Variants in CDK8 observed in about 807,000 individuals in gnomAD.
CDK8 encodes cyclin-dependent kinase 8.
In CDK8, 29 loss-of-function variants were observed where a neutral mutation model predicts 71.5. The ratio of observed to expected loss-of-function variants is 0.41; its 90% CI spans 0.30 to 0.55. CDK8 has a LOEUF of 0.55. Among genes scored for constraint, CDK8 ranks in the 20% least tolerant of loss-of-function variants. The pLI is 0.37. For missense variants in CDK8, 288 were observed against 572.6 expected (o/e 0.50, Z 5.07); for synonymous variants, 161 against 192.1 (o/e 0.84, Z 1.34).
chr13:26,270,060 GATATAATTCATAT>G (rs1183269386), intron 1 of CDK8, among the ~76,000 whole-genome samples: 1 of 151,810 alleles, frequency 6.6e-6, no homozygotes, highest in Non-Finnish European at 1.5e-5. Flanking sequence ...GCTTTTTTGA[GATATAATTCATAT>G]ACCATACAAT....
chr13:26,331,027 A>G (rs577146009), intron 1 of CDK8, among the ~76,000 whole-genome samples: 1 of 152,334 alleles, frequency 6.6e-6, no homozygotes, highest in South Asian at 2.1e-4. Flanking sequence ...GCCATTTTCT[A>G]TAGTGGCTGT....
intron 4 of CDK8, among the ~76,000 whole-genome samples, chr13:26,367,014 T>A (rs1485571574): frequency 6.6e-6 from 1 of 152,180 alleles, no homozygotes; most frequent in Non-Finnish European, 1.5e-5. Flanking sequence ...GGTCGAACAT[T>A]TCCATCATGG....
chr13:26,296,334 G>A (rs1791433071), intron 1 of CDK8, among the ~76,000 whole-genome samples: 1 of 152,146 alleles, frequency 6.6e-6, no homozygotes, highest in South Asian at 2.1e-4. Flanking sequence ...TGGACAAAGG[G>A]CTCTTTGGTT....
At chr13:26,398,401 T>A (rs1876093571) in intron 9 of CDK8, among the ~76,000 whole-genome samples, 2 of 152,172 alleles carry the variant, frequency 1.3e-5, no homozygotes, top group South Asian at 4.1e-4. Context: ...TAGTCTAGGA[T>A]GACTCTGCCT....
At chr13:26,346,166 T>TA (rs994511074) in intron 2 of CDK8, among the ~76,000 whole-genome samples, 5 of 152,296 alleles carry the variant, frequency 3.3e-5, no homozygotes, top group East Asian at 1.9e-4. Context: ...TTAAACCCCT[T>TA]AAACCCCTGT....
chr13:26,371,761 G>A lies in CDK8; in HGVS notation c.457-11053G>A, dbSNP rs556189358. Among the ~76,000 whole-genome samples the A allele has an allele frequency of 1.1e-4, 17 of 152,100 alleles. 1 individual carries two copies. In the South Asian group the frequency reaches 2.3e-3, roughly 20 times the overall value. ...CTCTTGAGCAGCTGGGATTACAGGC[G>A]TGCACCACCATGCCCAGCTAATTTT... On this transcript the variant is annotated intron_variant, in intron 4 of 12. Coordinates refer to ENST00000381527, the MANE Select transcript of CDK8 (RefSeq NM_001260.3).
intron 1 of CDK8, among the ~76,000 whole-genome samples, chr13:26,284,775 C>T (rs1253430876): frequency 2.0e-5 from 3 of 151,716 alleles, no homozygotes; most frequent in Middle Eastern, 3.2e-3. Flanking sequence ...TCTTTGAAGC[C>T]AGTATCACCC....
Position 26,259,477 on chromosome 13 carries a change from C to T in CDK8, c.128+4708C>T, listed in dbSNP as rs138798696. Among the ~76,000 whole-genome samples, 555 of 152,122 alleles carry T rather than the reference C, an allele frequency of 3.6e-3. 4 individuals carry two copies. Among genetic ancestry groups the T allele is most frequent in the African/African-American group, 0.013 (538 of 41,492 alleles). Reference sequence around the variant, plus strand: ...TGGGAGGATATGCGTAGGTTATATGCAAATAGGACACCATTTTATATTAGA... The same window carrying T: ...TGGGAGGATATGCGTAGGTTATATGTAAATAGGACACCATTTTATATTAGA... On this transcript the variant is annotated intron_variant, in intron 1 of 12. Transcript: ENST00000381527.
At chr13:26,283,131 C>T (rs1872835369) in intron 1 of CDK8, among the ~76,000 whole-genome samples, 1 of 152,194 alleles carries the variant, frequency 6.6e-6, no homozygotes, top group South Asian at 2.1e-4. Flanking sequence ...ACTCCATTGA[C>T]AGCACAGGTC....
chr13:26,310,840 T>C lies in CDK8; in HGVS notation c.129-26727T>C, dbSNP rs1381022355. On this transcript the variant is annotated intron_variant, in intron 1 of 12. Coordinates refer to ENST00000381527, the MANE Select transcript of CDK8 (RefSeq NM_001260.3). ...CACATAGCAGCTGGTTGTGGTCTTCTCAAAGTTACTTTGTTCAAATCTCTC... is the reference window on the plus strand; with the variant it reads ...CACATAGCAGCTGGTTGTGGTCTTCCCAAAGTTACTTTGTTCAAATCTCTC... Among the ~76,000 whole-genome samples the C allele has an allele frequency of 2.0e-5, 3 of 152,178 alleles. No homozygotes were observed. In the East Asian group the frequency reaches 5.8e-4, roughly 29 times the overall value.
At chr13:26,276,220 T>C (rs1872558791) in intron 1 of CDK8, among the ~76,000 whole-genome samples, 1 of 152,214 alleles carries the variant, frequency 6.6e-6, no homozygotes, top group Admixed American at 6.5e-5. Flanking sequence ...TATTTTTGTC[T>C]TTTGATTTTT....
rs56993639 is a variant in CDK8 at position 26,258,492 on chromosome 13, G to GGTGTGTGTGT, written c.128+3736_128+3745dup. 9.1e-3 allele frequency among the ~76,000 whole-genome samples: 1,348 copies of GGTGTGTGTGT among 147,510 alleles called. 12 individuals are homozygous for GGTGTGTGTGT. Among genetic ancestry groups the GGTGTGTGTGT allele is most frequent in the Middle Eastern group, 0.025 (7 of 284 alleles). ...ACAAACATACTTGTGTATCTAGAGG[G>GGTGTGTGTGT]GTGTGTGTGTGTGTGTGTGTGTAGG... On this transcript the variant is annotated intron_variant, in intron 1 of 12. Transcript: ENST00000381527.
chr13:26,348,921 G>C (rs929341885), intron 2 of CDK8, 151 bp from the exon 3 acceptor site: 2 of 653,154 alleles, frequency 3.1e-6, no homozygotes, highest in African/African-American at 3.7e-5. Context: ...ATTTGTTACT[G>C]AAGTATCCGT....
chr13:26,403,919 G>T, intron 12 of CDK8, 37 bp from the exon 13 acceptor site: 1 of 1,604,458 alleles, frequency 6.2e-7, no homozygotes. Flanking sequence ...TCCCCTAGAA[G>T]CACCTGAATC....
intron 4 of CDK8, among the ~76,000 whole-genome samples, chr13:26,356,134 G>A (rs550625171): frequency 2.6e-5 from 4 of 152,184 alleles, no homozygotes; most frequent in Admixed American, 6.5e-5. Context: ...ACTAAGTGGT[G>A]GAAAGTGGAA....
chr13:26,376,409 T>C (rs890122857), intron 4 of CDK8, among the ~76,000 whole-genome samples: 9 of 152,184 alleles, frequency 5.9e-5, no homozygotes, highest in African/African-American at 1.7e-4. Flanking sequence ...TAAACTGTTA[T>C]AAAATTTTAC....
chr13:26,264,420 G>A (rs1471764081), intron 1 of CDK8, among the ~76,000 whole-genome samples: 1 of 151,884 alleles, frequency 6.6e-6, no homozygotes, highest in Non-Finnish European at 1.5e-5. Context: ...CAAGTGGGTG[G>A]GACTAGCACG....
At chr13:26,383,642 T>A (rs140776822) in intron 5 of CDK8, among the ~76,000 whole-genome samples, 186 of 152,334 alleles carry the variant, frequency 1.2e-3, no homozygotes, top group Admixed American at 1.8e-3. Context: ...CAACTTCTGA[T>A]CACAAGATTT....
chr13:26,263,765 G>T (rs111963003), intron 1 of CDK8, among the ~76,000 whole-genome samples: 4 of 120,834 alleles, frequency 3.3e-5, no homozygotes, highest in African/African-American at 1.3e-4. Context: ...TTTTTTTTTC[G>T]AGACGGAGTC....
Sources: allele counts gnomAD v4.1 joint callset (sites outside exome capture counted in the v4.1 genomes callset), GRCh38; gene constraint gnomAD v4.1.1; transcripts MANE v1.5; gene names NCBI Gene and HGNC (gene_info 2026-07-23, HGNC 2026-07-21).